AHCTF1: variants seen among roughly 807,000 people sequenced by gnomAD.
AHCTF1 encodes protein ELYS.
In AHCTF1, 24 loss-of-function variants were observed where a neutral mutation model predicts 248.4. The observed-to-expected ratio is 0.10, with a 90% CI of 0.07 to 0.14. AHCTF1 has a LOEUF of 0.14. Among genes scored for constraint, AHCTF1 ranks in the 10% least tolerant of loss-of-function variants. AHCTF1 has a pLI of 1.00. For synonymous variants in AHCTF1, 786 were observed against 929.8 expected (o/e 0.85, Z 2.81); for missense variants, 2,206 against 2,636.2 (o/e 0.84, Z 3.57).
At chr1:246,869,047 T>TGC (rs1437611162) in intron 24 of AHCTF1, among the ~76,000 whole-genome samples, 1 of 151,606 alleles carries the variant, frequency 6.6e-6, no homozygotes, top group African/African-American at 2.4e-5. Context: ...GGTTTCACCA[T>TGC]GTTGGCCAGG....
chr1:246,857,951 C>T, intron 29 of AHCTF1, 137 bp from the exon 30 acceptor site: 2 of 664,722 alleles, frequency 3.0e-6, no homozygotes. Context: ...TATCAGACTG[C>T]TAACACTTTC....
intron 31 of AHCTF1, 123 bp from the exon 32 acceptor site, chr1:246,853,422 G>A (rs1660867189): frequency 1.4e-6 from 1 of 709,650 alleles, no homozygotes; most frequent in South Asian, 2.5e-5. Flanking sequence ...CTATCACAAT[G>A]CCAGAAAAGT....
intron 24 of AHCTF1, among the ~76,000 whole-genome samples, chr1:246,875,021 T>C (rs1191572919): frequency 6.8e-6 from 1 of 147,402 alleles, no homozygotes; most frequent in Non-Finnish European, 1.5e-5. Context: ...GTTAAAACCA[T>C]CTCCTGACAG....
rs537465278 is a variant in AHCTF1 at position 246,860,950 on chromosome 1, T to C, written c.4081A>G (p.Lys1361Glu). 38 of 1,613,510 alleles carry C rather than the reference T, an allele frequency of 2.4e-5. No individual in the cohort carries two copies. The highest frequency in any genetic ancestry group is 3.0e-5 in the Non-Finnish European group (35 of 1,179,422). The change falls in exon 29 of 36, where the codon AAA becomes GAA. Residue 1361 changes from lysine (K) to glutamate (E), a missense_variant. By Grantham distance (56) the Lys-to-Glu change is moderately conservative. Coordinates refer to ENST00000648844, the MANE Select transcript of AHCTF1 (RefSeq NM_001323342.2). ...GTTACTTCTGATGCAAATACATCTTTATCTCCATCCTTTTCAGTTTGTTCA... is the reference window on the plus strand; with the variant it reads ...GTTACTTCTGATGCAAATACATCTTCATCTCCATCCTTTTCAGTTTGTTCA... ...VTEQTEKDGD[K>E]DVFASEVTPS...
intron 21 of AHCTF1, among the ~76,000 whole-genome samples, chr1:246,884,506 A>G (rs999791649): frequency 1.3e-5 from 2 of 152,216 alleles, no homozygotes; most frequent in Non-Finnish European, 2.9e-5. Flanking sequence ...AAAATGATCA[A>G]CAGGGTTGAA....
intron 19 of AHCTF1, among the ~76,000 whole-genome samples, chr1:246,887,658 A>C (rs1306860639): frequency 6.6e-6 from 1 of 152,240 alleles, no homozygotes; most frequent in Non-Finnish European, 1.5e-5. Flanking sequence ...ATATACGCAA[A>C]TTTCTAAAGA....
intron 12 of AHCTF1, 82 bp downstream of exon 12, chr1:246,898,126 T>C: frequency 6.4e-7 from 1 of 1,572,286 alleles, no homozygotes; most frequent in East Asian, 2.3e-5. Context: ...TTTGCAGAAA[T>C]TATCTAATAC....
At chr1:246,907,831 T>G (rs566042366) in intron 4 of AHCTF1, 73 bp from the exon 5 acceptor site, 1 of 1,280,622 alleles carries the variant, frequency 7.8e-7, no homozygotes, top group South Asian at 1.4e-5. Context: ...TCATCCATTA[T>G]TCAAGCTGCA....
At chr1:246,906,517 G>A (rs1228120199) in intron 5 of AHCTF1, among the ~76,000 whole-genome samples, 1 of 152,126 alleles carries the variant, frequency 6.6e-6, no homozygotes, top group Non-Finnish European at 1.5e-5. Flanking sequence ...GGGAAGTGGA[G>A]GTTGCAGTGA....
chr1:246,918,367 G>A lies in AHCTF1; in HGVS notation c.4C>T (p.Arg2Ter), dbSNP rs866640499. 1.2e-6 allele frequency: 2 copies of A among 1,608,572 alleles called. No homozygotes were observed. Among genetic ancestry groups the A allele is most frequent in the East Asian group, 2.2e-5 (1 of 44,736 alleles). Residue 2 changes from arginine (R) to a stop codon, truncating the protein, a stop_gained, in exon 2 of 36, where the codon CGA becomes TGA. Coordinates refer to ENST00000648844, the MANE Select transcript of AHCTF1 (RefSeq NM_001323342.2). LOFTEE classifies it high-confidence loss of function. ...CTAGTCACTTGAGCTCTTAAGTCTCGCATACTTCCACTGTAAATATTTTTA... is the reference window on the plus strand; with the variant it reads ...CTAGTCACTTGAGCTCTTAAGTCTCACATACTTCCACTGTAAATATTTTTA... M[R>*]DLRAQVTSGL... is the part of the protein sequence containing the mutation.
chr1:246,869,104 A>C (rs1260882896), intron 24 of AHCTF1, among the ~76,000 whole-genome samples: 1 of 150,988 alleles, frequency 6.6e-6, no homozygotes, highest in Non-Finnish European at 1.5e-5. Context: ...TTGGCCTCCC[A>C]AAGTGCTGGA....
intron 2 of AHCTF1, among the ~76,000 whole-genome samples, chr1:246,916,729 T>C (rs908686241): frequency 1.3e-5 from 2 of 152,192 alleles, no homozygotes; most frequent in African/African-American, 4.8e-5. Context: ...ATTTATTCCT[T>C]ATCACACCTC....
chr1:246,924,693 C>T (rs866158730), intron 1 of AHCTF1, among the ~76,000 whole-genome samples: 1 of 152,156 alleles, frequency 6.6e-6, no homozygotes, highest in South Asian at 2.1e-4. Context: ...TCTGTTCAGG[C>T]TATAAATGCT....
chr1:246,930,377 T>C (rs773380841), intron 1 of AHCTF1, among the ~76,000 whole-genome samples: 8 of 152,112 alleles, frequency 5.3e-5, no homozygotes, highest in South Asian at 4.1e-4. Context: ...GACAGCTTGG[T>C]AGTATGTTAC....
chr1:246,868,963 G>GTC (rs1662288074), intron 24 of AHCTF1, among the ~76,000 whole-genome samples: 1 of 150,554 alleles, frequency 6.6e-6, no homozygotes, highest in Non-Finnish European at 1.5e-5. Flanking sequence ...TCCTGCCTCA[G>GTC]CCTGCTGAGT....
intron 33 of AHCTF1, among the ~76,000 whole-genome samples, chr1:246,846,078 A>G (rs556909009): frequency 1.3e-5 from 2 of 149,364 alleles, no homozygotes; most frequent in African/African-American, 4.9e-5. Context: ...GTGGGAATCA[A>G]ACGATATATG....
chr1:246,840,750 T>C lies in AHCTF1; in HGVS notation c.*56A>G. 7.9e-7 allele frequency: 1 copy of C among 1,260,888 alleles called. No homozygotes were observed. Among genetic ancestry groups the C allele is most frequent in the Non-Finnish European group, 1.1e-6 (1 of 925,662 alleles). 78.1% of individuals were successfully genotyped at this position (1,260,888 alleles called of 1,614,324 possible). ...TTCTTCCAAACTAGATATTTAATAATCCACACTATTCTGATGACTTTACAA... is the reference window on the plus strand; with the variant it reads ...TTCTTCCAAACTAGATATTTAATAACCCACACTATTCTGATGACTTTACAA... On this transcript the variant is annotated 3_prime_UTR_variant, in exon 36 of 36. Transcript: ENST00000648844.
intron 1 of AHCTF1, among the ~76,000 whole-genome samples, chr1:246,929,265 C>G (rs540423488): frequency 6.6e-6 from 1 of 152,114 alleles, no homozygotes; most frequent in African/African-American, 2.4e-5. Context: ...AAAAATTAGC[C>G]GAGTGTGGCG....
intron 1 of AHCTF1, chr1:246,931,218 C>A (rs755981311): frequency 6.5e-7 from 1 of 1,550,328 alleles, no homozygotes; most frequent in Non-Finnish European, 8.7e-7. Context: ...GGCCCGCCAA[C>A]GAGTCCATCG....
Sources: gnomAD v4.1 joint callset for allele counts (sites outside exome capture counted in the v4.1 genomes callset) on GRCh38, gnomAD v4.1.1 for gene constraint, MANE v1.5 for transcripts, NCBI Gene and HGNC (gene_info 2026-07-23, HGNC 2026-07-21) for gene names.